PCDH15: variants seen among roughly 807,000 people sequenced by gnomAD.
PCDH15 encodes the protein protocadherin related 15.
PCDH15 carries 129 observed loss-of-function variants against 178.5 expected under a neutral mutation model. The ratio of observed to expected loss-of-function variants is 0.72; its 90% CI spans 0.63 to 0.84. PCDH15 has a LOEUF of 0.84. Among genes scored for constraint, PCDH15 ranks in the 40% least tolerant of loss-of-function variants. PCDH15 has a pLI of 0.00. For missense variants in PCDH15, 2,230 were observed against 2,099.9 expected, an observed-to-expected ratio of 1.06 and a Z score of -1.21; for synonymous variants, 800 against 732.0, an observed-to-expected ratio of 1.09 and a Z score of -1.50.
At chr10:55,507,013 AT>A in intron 2 of PCDH15, among the ~76,000 whole-genome samples, 1 of 151,658 alleles carries the variant, frequency 6.6e-6, no homozygotes, top group Non-Finnish European at 1.5e-5. Context: ...ATATATAGGT[AT>A]ATACATATAA....
intron 15 of PCDH15, among the ~76,000 whole-genome samples, chr10:54,123,766 G>A (rs72797042): frequency 0.079 from 12,001 of 152,118 alleles, 548 homozygotes; most frequent in African/African-American, 0.1. Context: ...GTGCCCATCG[G>A]TGGTGGAGCA....
At chr10:54,763,165 G>T (rs1168194823) in intron 1 of PCDH15, among the ~76,000 whole-genome samples, 1 of 152,108 alleles carries the variant, frequency 6.6e-6, no homozygotes, top group Non-Finnish European at 1.5e-5. Context: ...AGAGTGCCAG[G>T]TGGTTGGTAG....
At chr10:54,844,835 T>A (rs570789712) in intron 3 of PCDH15, among the ~76,000 whole-genome samples, 71 of 152,102 alleles carry the variant, frequency 4.7e-4, no homozygotes, top group African/African-American at 1.7e-3. Flanking sequence ...ATGCACTTGA[T>A]GTTTTTTCAG....
intron 26 of PCDH15, among the ~76,000 whole-genome samples, chr10:53,897,959 C>CTTTTTTTTTTTTTTTTTT (rs66513139): frequency 4.9e-5 from 4 of 82,404 alleles, no homozygotes; most frequent in Admixed American, 1.8e-4. Flanking sequence ...TTTCTTTTCC[C>CTTTTTTTTTTTTTTTTTT]TTTTTTTTTT....
At chr10:54,804,155 T>A (rs71492631), upstream of PCDH15, among the ~76,000 whole-genome samples, 17,335 of 152,088 alleles carry the variant, frequency 0.11, 998 homozygotes, top group Middle Eastern at 0.15. Flanking sequence ...TTCTCCTGCC[T>A]CAGCCTCCGG....
intron 2 of PCDH15, among the ~76,000 whole-genome samples, chr10:54,657,409 C>G (rs1041866224): frequency 9.9e-5 from 15 of 152,142 alleles, no homozygotes; most frequent in African/African-American, 3.6e-4. Flanking sequence ...TGAGCAGGCT[C>G]TTATGCTTAA....
intron 1 of PCDH15, among the ~76,000 whole-genome samples, chr10:54,724,071 A>T (rs894380722): frequency 6.6e-6 from 1 of 151,768 alleles, no homozygotes; most frequent in Non-Finnish European, 1.5e-5. Context: ...TCACTGTAGG[A>T]AAAAGGCATC....
chr10:55,355,365 A>C (rs1845049553), intron 2 of PCDH15, among the ~76,000 whole-genome samples: 1 of 151,948 alleles, frequency 6.6e-6, no homozygotes. Context: ...AGCATTATTC[A>C]AGTATTCTCA....
chr10:55,370,948 G>T (rs1157556997), intron 2 of PCDH15, among the ~76,000 whole-genome samples: 1 of 152,078 alleles, frequency 6.6e-6, no homozygotes. Context: ...CTTTGAGGTT[G>T]CATCTGAATT....
At chr10:53,938,364 A>T (rs2085757063) in intron 25 of PCDH15, among the ~76,000 whole-genome samples, 1 of 152,172 alleles carries the variant, frequency 6.6e-6, no homozygotes, top group Non-Finnish European at 1.5e-5. Context: ...ATGAAAAATG[A>T]TGCTACATAT....
chr10:55,440,924 A>C (rs1839169876), intron 2 of PCDH15, among the ~76,000 whole-genome samples: 1 of 152,140 alleles, frequency 6.6e-6, no homozygotes, highest in South Asian at 2.1e-4. Context: ...AAACCATTAG[A>C]TCTGATGAGA....
At chr10:55,024,486 T>C (rs1403042848) in intron 2 of PCDH15, among the ~76,000 whole-genome samples, 3 of 150,658 alleles carry the variant, frequency 2.0e-5, no homozygotes, top group Non-Finnish European at 4.4e-5. Context: ...CACACACATA[T>C]ATAATCTTTT....
intron 2 of PCDH15, among the ~76,000 whole-genome samples, chr10:55,332,236 TATG>T (rs1336677488): frequency 1.3e-5 from 2 of 152,154 alleles, no homozygotes; most frequent in African/African-American, 4.8e-5. Flanking sequence ...AAACATTAAA[TATG>T]ATACTTTTGC....
At chr10:53,823,840 T>C in intron 32 of PCDH15, 1 of 455,778 alleles carries the variant, frequency 2.2e-6, no homozygotes, top group South Asian at 1.6e-5. Flanking sequence ...TGAGCCATCA[T>C]GTGGAATATC....
chr10:55,294,903 G>T (rs190544299), intron 1 of PCDH15, among the ~76,000 whole-genome samples: 2 of 152,008 alleles, frequency 1.3e-5, no homozygotes, highest in African/African-American at 4.8e-5. Context: ...ATATTTTTCC[G>T]TATTAAAATT....
chr10:54,429,178 C>T (rs1037787084), intron 3 of PCDH15, among the ~76,000 whole-genome samples: 6 of 151,920 alleles, frequency 3.9e-5, no homozygotes, highest in South Asian at 4.2e-4. Context: ...AGTTAAAAAG[C>T]GGGGGGAGAT....
chr10:53,922,178 T>C (rs2084054672), intron 25 of PCDH15, among the ~76,000 whole-genome samples: 1 of 152,144 alleles, frequency 6.6e-6, no homozygotes, highest in Non-Finnish European at 1.5e-5. Flanking sequence ...TCCCTGGTAA[T>C]ACAGAGAATT....
intron 3 of PCDH15, among the ~76,000 whole-genome samples, chr10:54,860,952 T>C: frequency 6.6e-6 from 1 of 152,188 alleles, no homozygotes; most frequent in Non-Finnish European, 1.5e-5. Context: ...GGGAATCTTC[T>C]TTTTAATGGT....
rs181569678 is a variant in PCDH15, at chr10:54,356,834, C to T, written c.475-10350G>A. On this transcript the variant is annotated intron_variant, in intron 5 of 37. Transcript: ENST00000644397. ...ACCATGATCAAGTGGGATTCATCCC[C>T]GGGATGCAAGGCTGGTTCAATATAC... Among the ~76,000 whole-genome samples, 100 of 152,028 alleles carry T rather than the reference C, an allele frequency of 6.6e-4. No individual in the cohort carries two copies. In the East Asian group the frequency reaches 0.01, roughly 15 times the overall value.
Sources: allele counts gnomAD v4.1 joint callset (sites outside exome capture counted in the v4.1 genomes callset), GRCh38; gene constraint gnomAD v4.1.1; transcripts MANE v1.5; gene names NCBI Gene and HGNC (gene_info 2026-07-23, HGNC 2026-07-21).